Variants in SGMS1 observed in about 807,000 individuals in gnomAD.
SGMS1 encodes phosphatidylcholine:ceramide cholinephosphotransferase 1.
SGMS1 carries 13 observed loss-of-function variants against 46.2 expected under a neutral mutation model. The ratio of observed to expected loss-of-function variants is 0.28; its 90% CI spans 0.18 to 0.45. The LOEUF is 0.45. SGMS1 is among the 20% of genes least tolerant of loss of function. The probability of loss-of-function intolerance (pLI) is 1.00; values close to 1 mark genes in which losing one functional copy is unlikely to be tolerated. For missense variants in SGMS1, 324 were observed against 519.9 expected (o/e 0.62, Z 3.66); for synonymous variants, 203 against 187.8 (o/e 1.08, Z -0.66).
chr10:50,492,724 A>C (rs1182471742), intron 3 of SGMS1, among the ~76,000 whole-genome samples: 1 of 152,244 alleles, frequency 6.6e-6, no homozygotes, highest in East Asian at 1.9e-4. Flanking sequence ...TAATGGCCAT[A>C]CTGCCCAAAC....
At chr10:50,397,431 C>A (rs1198457916) in intron 6 of SGMS1, among the ~76,000 whole-genome samples, 2 of 152,130 alleles carry the variant, frequency 1.3e-5, no homozygotes, top group Non-Finnish European at 2.9e-5. Flanking sequence ...AGGCATGACA[C>A]CAAAGCAGAG....
At chr10:50,462,359 A>C (rs1837275708) in intron 4 of SGMS1, among the ~76,000 whole-genome samples, 1 of 152,244 alleles carries the variant, frequency 6.6e-6, no homozygotes, top group East Asian at 1.9e-4. Context: ...AGATAAAGTC[A>C]AAAGCTTAAA....
At chr10:50,383,255 A>G (rs1848634028) in intron 6 of SGMS1, among the ~76,000 whole-genome samples, 1 of 152,200 alleles carries the variant, frequency 6.6e-6, no homozygotes, top group Admixed American at 6.5e-5. Context: ...AGAATTTATC[A>G]TTAAATTGTT....
chr10:50,342,758 T>C (rs1433468609), intron 7 of SGMS1: 1 of 152,226 alleles, frequency 6.6e-6, no homozygotes, highest in Non-Finnish European at 1.5e-5. Flanking sequence ...AGGGACAATG[T>C]AGGCAACCCC....
At chr10:50,385,411 T>C (rs554986457) in intron 6 of SGMS1, among the ~76,000 whole-genome samples, 32 of 152,342 alleles carry the variant, frequency 2.1e-4, no homozygotes, top group African/African-American at 7.2e-4. Flanking sequence ...CATGTGATCA[T>C]GGGAAAGGTT....
In SGMS1 at chr10:50,519,870, A is replaced by G. The variant is rs1837842651; in HGVS notation, c.-537T>C. The G allele has an allele frequency of 6.6e-6, 1 of 152,238 alleles. No homozygotes were observed. The highest frequency in any genetic ancestry group is 1.5e-5 in the Non-Finnish European group (1 of 68,024). 9.4% of individuals were successfully genotyped at this position (152,238 alleles called of 1,614,324 possible). On this transcript the variant is annotated 5_prime_UTR_variant, in exon 3 of 11. Transcript: ENST00000361781. ...ACACCCTCTGCTGTGTTCCAACTTT[A>G]CTGTTCTTGAAATTCAAAAAGTCCA...
At position 50,307,038 on chromosome 10, in the gene SGMS1, A is replaced by G. The variant is rs1401415908; in HGVS notation, c.*104T>C. 4.4e-6 allele frequency: 5 copies of G among 1,141,408 alleles called. No individual in the cohort carries two copies. The highest frequency in any genetic ancestry group is 6.1e-6 in the Non-Finnish European group (5 of 813,646). 70.7% of individuals were successfully genotyped at this position (1,141,408 alleles called of 1,614,324 possible). A position where few individuals can be genotyped will look rare whatever the true frequency, so the allele number is the denominator to read the frequency against. On this transcript the variant is annotated 3_prime_UTR_variant, in exon 11 of 11. Transcript: ENST00000361781. The surrounding 1 kb of genome is among the most constrained non-coding windows in gnomAD (Gnocchi z 4.2). Reference sequence around the variant, plus strand: ...CTCAATAGGTTAAGTCAAGGTAACCATTGAAAGATAATAGGATTAGGGAGG... The same window carrying G: ...CTCAATAGGTTAAGTCAAGGTAACCGTTGAAAGATAATAGGATTAGGGAGG...
rs1392112685 is a variant in SGMS1 at position 50,434,832 on chromosome 10, C to T, written c.-312-1276G>A. 3.7e-4 allele frequency among the ~76,000 whole-genome samples: 54 copies of T among 146,118 alleles called. 2 individuals carry two copies. In the Admixed American group the frequency reaches 3.7e-3, roughly 10 times the overall value. On this transcript the variant is annotated intron_variant, in intron 5 of 10. Coordinates refer to ENST00000361781, the MANE Select transcript of SGMS1 (RefSeq NM_147156.4). ...CCGGGAGGCGGAGTTTGCAGTGAGCCGAGATCACGCCACTGCACTCCAACC... is the reference window on the plus strand; with the variant it reads ...CCGGGAGGCGGAGTTTGCAGTGAGCTGAGATCACGCCACTGCACTCCAACC...
At chr10:50,472,047 T>G (rs1054958129) in intron 3 of SGMS1, among the ~76,000 whole-genome samples, 17 of 152,284 alleles carry the variant, frequency 1.1e-4, no homozygotes, top group African/African-American at 3.6e-4. Flanking sequence ...AAGACCACCT[T>G]TACTTTCTAT....
intron 6 of SGMS1, among the ~76,000 whole-genome samples, chr10:50,405,185 C>T (rs1227571824): frequency 6.6e-6 from 1 of 151,890 alleles, no homozygotes; most frequent in African/African-American, 2.4e-5. Flanking sequence ...CATATTTTAA[C>T]CATATCCTTT....
intron 6 of SGMS1, among the ~76,000 whole-genome samples, chr10:50,429,217 G>C (rs1849367940): frequency 6.6e-6 from 1 of 152,130 alleles, no homozygotes; most frequent in Admixed American, 6.5e-5. Flanking sequence ...CAATGTTTTG[G>C]TCAACAAGGG....
chr10:50,520,695 A>C (rs1052513035), intron 2 of SGMS1, among the ~76,000 whole-genome samples: 2 of 152,180 alleles, frequency 1.3e-5, no homozygotes, highest in Non-Finnish European at 2.9e-5. Context: ...CTTCCTGCAT[A>C]GATACTCATA....
At chr10:50,583,837 A>G (rs1163241683) in intron 2 of SGMS1, among the ~76,000 whole-genome samples, 1 of 152,200 alleles carries the variant, frequency 6.6e-6, no homozygotes, top group Non-Finnish European at 1.5e-5. Flanking sequence ...ATAAAACTTG[A>G]AGACTATTCA....
intron 3 of SGMS1, among the ~76,000 whole-genome samples, chr10:50,518,156 C>G (rs1273897833): frequency 6.6e-6 from 1 of 152,100 alleles, no homozygotes; most frequent in Non-Finnish European, 1.5e-5. Context: ...AAAAGAACAT[C>G]TATGTACAGA....
At chr10:50,324,582 G>GC (rs1206321361) in intron 8 of SGMS1, among the ~76,000 whole-genome samples, 1 of 152,186 alleles carries the variant, frequency 6.6e-6, no homozygotes, top group Non-Finnish European at 1.5e-5. Flanking sequence ...CCTGACCACT[G>GC]AATTTCTTAA....
intron 2 of SGMS1, among the ~76,000 whole-genome samples, chr10:50,538,319 G>A (rs572657674): frequency 6.6e-6 from 1 of 151,576 alleles, no homozygotes; most frequent in Non-Finnish European, 1.5e-5. Context: ...TTAGCCGGGC[G>A]TGGTGGTGGG....
chr10:50,549,982 A>G (rs1011998581), intron 2 of SGMS1, among the ~76,000 whole-genome samples: 2 of 152,238 alleles, frequency 1.3e-5, no homozygotes, highest in African/African-American at 4.8e-5. Context: ...AAAAAGATAA[A>G]GCAGAAAGTT....
chr10:50,542,803 T>C (rs923759242), intron 2 of SGMS1, among the ~76,000 whole-genome samples: 2 of 148,986 alleles, frequency 1.3e-5, no homozygotes, highest in African/African-American at 4.9e-5. Flanking sequence ...TCATTTGTTT[T>C]TCAGCAACCA....
intron 2 of SGMS1, among the ~76,000 whole-genome samples, chr10:50,566,428 A>C (rs907810777): frequency 1.3e-5 from 2 of 152,156 alleles, no homozygotes; most frequent in Non-Finnish European, 2.9e-5. Context: ...ATTGATTTTT[A>C]CTTTACTCTG....
Sources: allele counts gnomAD v4.1 joint callset (sites outside exome capture counted in the v4.1 genomes callset), GRCh38; gene constraint gnomAD v4.1.1; non-coding constraint Gnocchi (gnomAD v3.1); transcripts MANE v1.5; gene names NCBI Gene and HGNC (gene_info 2026-07-23, HGNC 2026-07-21).